SLK: variants seen among roughly 807,000 people sequenced by gnomAD.
SLK encodes the protein STE20 like kinase.
A neutral mutation model predicts 147.7 loss-of-function variants in SLK; 67 were observed. The observed-to-expected ratio is 0.45, with a 90% CI of 0.37 to 0.56. The LOEUF is 0.56. Among genes scored for constraint, SLK ranks in the 20% least tolerant of loss-of-function variants. SLK has a pLI of 0.00. For missense variants in SLK, 1,136 were observed against 1,438.8 expected, an observed-to-expected ratio of 0.79 and a Z score of 3.41; for synonymous variants, 441 against 475.0, an observed-to-expected ratio of 0.93 and a Z score of 0.93.
At chr10:104,019,640 A>C in intron 15 of SLK, 94 bp from the exon 16 acceptor site, 1 of 968,474 alleles carries the variant, frequency 1.0e-6, no homozygotes, top group Non-Finnish European at 1.6e-6. Context: ...GGGTAATTAT[A>C]GGAAACAACA....
intron 15 of SLK, 199 bp downstream of exon 15, chr10:104,019,107 G>GA (rs985829505): frequency 2.1e-6 from 1 of 468,726 alleles, no homozygotes; most frequent in African/African-American, 2.0e-5. Context: ...AAATTATAAG[G>GA]AAAGTAACTA....
chr10:104,022,743 G>C (rs1411111616), intron 18 of SLK, among the ~76,000 whole-genome samples: 1 of 152,164 alleles, frequency 6.6e-6, no homozygotes, highest in Non-Finnish European at 1.5e-5. Context: ...AGGTAGCTGG[G>C]ATTACAGGCA....
intron 2 of SLK, among the ~76,000 whole-genome samples, chr10:103,991,470 T>C (rs1844092524): frequency 6.6e-6 from 1 of 152,124 alleles, no homozygotes; most frequent in African/African-American, 2.4e-5. Flanking sequence ...CTTCAGTCTT[T>C]CTTCCTGAAG....
chr10:104,002,265 G>C lies in SLK; in HGVS notation c.1087G>C (p.Val363Leu). 2 of 1,613,390 alleles carry C rather than the reference G, an allele frequency of 1.2e-6. No individual in the cohort carries two copies. ...ACAAAATGCTTGTATTTTGGAGTCT[G>C]TCTCAGAAAAAACAGAACGTAGTAA... is the stretch of plus-strand genomic sequence containing the variant. ...LSQNACILESVSEKTERSNSE... is the reference protein window; with the variant it reads ...LSQNACILESLSEKTERSNSE... Residue 363 changes from valine (V) to leucine (L), a missense_variant, in exon 9 of 19, where the codon GTC becomes CTC. Physicochemically the swap from Val to Leu is conservative, Grantham distance 32. Around this residue, in one of 6 missense-constraint regions of SLK, gnomAD observed 516 missense variants for 531.3 expected, o/e 0.97. Coordinates refer to ENST00000369755, the MANE Select transcript of SLK (RefSeq NM_014720.4).
At chr10:103,974,588 C>G (rs1223918306) in intron 1 of SLK, 10 of 62,224 alleles carry the variant, frequency 1.6e-4, no homozygotes, top group African/African-American at 2.4e-4. Context: ...GCACTCCCGC[C>G]TGGGCCACAG....
chr10:104,002,191 G>C lies in SLK; in HGVS notation c.1013G>C (p.Arg338Pro), dbSNP rs201543977. 1.3e-6 allele frequency: 2 copies of C among 1,583,590 alleles called. No homozygotes were observed. The highest frequency in any genetic ancestry group is 1.1e-5 in the South Asian group (1 of 88,300). Reference protein sequence around the residue: ...ENSLPIPASKRASSDLSIASS... With the variant: ...ENSLPIPASKPASSDLSIASS... ...TTTTAGCCAATACCTGCAAGTAAGC[G>C]TGCATCTTCTGACCTTAGTATCGCC... is the stretch of plus-strand genomic sequence containing the variant. Residue 338 changes from arginine (R) to proline (P), a missense_variant, in exon 9 of 19, where the codon CGT (arginine) becomes CCT (proline). By Grantham distance (103) the Arg-to-Pro change is moderately radical. Transcript: ENST00000369755.
At chr10:103,998,519 A>G (rs745505183) in intron 4 of SLK, among the ~76,000 whole-genome samples, 3 of 152,164 alleles carry the variant, frequency 2.0e-5, no homozygotes, top group Non-Finnish European at 2.9e-5. Flanking sequence ...TATAATTTCT[A>G]TTTTTCACAC....
chr10:103,983,295 T>C (rs1470073139), intron 1 of SLK, among the ~76,000 whole-genome samples: 3 of 152,190 alleles, frequency 2.0e-5, no homozygotes, highest in African/African-American at 7.2e-5. Context: ...GTATGAACAG[T>C]CTAAAAGTAT....
At chr10:104,024,962 A>G (rs1238655255) in intron 18 of SLK, among the ~76,000 whole-genome samples, 5 of 152,314 alleles carry the variant, frequency 3.3e-5, no homozygotes, top group African/African-American at 7.2e-5. Flanking sequence ...CCCACCTTCT[A>G]TGCATAGTAT....
chr10:103,984,341 G>A (rs553772123), intron 1 of SLK, among the ~76,000 whole-genome samples: 2 of 152,042 alleles, frequency 1.3e-5, no homozygotes, highest in East Asian at 1.9e-4. Flanking sequence ...ATATCACCTC[G>A]GTTAGACCTA....
chr10:103,983,625 A>G (rs1213969352), intron 1 of SLK, among the ~76,000 whole-genome samples: 2 of 151,262 alleles, frequency 1.3e-5, no homozygotes, highest in Admixed American at 6.6e-5. Flanking sequence ...TTTCCTGTGA[A>G]CTTCCTGTCT....
At chr10:103,989,487 G>T (rs1465361740) in intron 1 of SLK, among the ~76,000 whole-genome samples, 1 of 36,628 alleles carries the variant, frequency 2.7e-5, no homozygotes, top group Non-Finnish European at 4.6e-5. Flanking sequence ...TTTTTTTTTG[G>T]AGACAGAGTC....
At chr10:104,005,373 C>T (rs771565373) in intron 9 of SLK, among the ~76,000 whole-genome samples, 188 bp from the exon 10 acceptor site, 2 of 152,106 alleles carry the variant, frequency 1.3e-5, no homozygotes, top group Non-Finnish European at 2.9e-5. Context: ...AGTCAGATGA[C>T]GTTTAAGGTG....
chr10:103,995,645 G>A (rs1169076440), intron 4 of SLK, among the ~76,000 whole-genome samples: 1 of 151,612 alleles, frequency 6.6e-6, no homozygotes, highest in Non-Finnish European at 1.5e-5. Flanking sequence ...GGGCTGGTCT[G>A]GAACTCCTGG....
intron 8 of SLK, among the ~76,000 whole-genome samples, chr10:104,001,959 T>G (rs805655): frequency 0.23 from 34,488 of 152,038 alleles, 4,523 homozygotes; most frequent in African/African-American, 0.36. Flanking sequence ...CAAGTGATCT[T>G]CCCTCCTCGG....
Position 103,999,872 on chromosome 10 carries a change from C to A in SLK, c.788C>A (p.Ser263Ter). The A allele has an allele frequency of 7.0e-7, 1 of 1,432,400 alleles. No individual in the cohort carries two copies. 88.7% of individuals were successfully genotyped at this position (1,432,400 alleles called of 1,614,324 possible). A position where few individuals can be genotyped will look rare whatever the true frequency, so the allele number is the denominator to read the frequency against. Residue 263 changes from serine to a stop codon, truncating the protein, a stop_gained, in exon 7 of 19, where the codon TCA becomes TAA. Coordinates refer to ENST00000369755, the MANE Select transcript of SLK (RefSeq NM_014720.4). LOFTEE classifies it high-confidence loss of function. ...PTLAQPSRWS[S>*]NFKDFLKKCL... ...TGTTAAAATTTATTTTAAAGGTCTTCAAATTTTAAGGACTTTCTAAAGAAA... is the reference window on the plus strand; with the variant it reads ...TGTTAAAATTTATTTTAAAGGTCTTAAAATTTTAAGGACTTTCTAAAGAAA...
intron 17 of SLK, among the ~76,000 whole-genome samples, chr10:104,021,122 C>T: frequency 6.6e-6 from 1 of 152,190 alleles, no homozygotes; most frequent in African/African-American, 2.4e-5. Flanking sequence ...ATAGAATGTA[C>T]AGCCCATCTA....
rs1321039430 is a variant in SLK, at chr10:104,002,590, A to G, written c.1412A>G (p.Glu471Gly). The G allele has an allele frequency of 1.2e-6, 2 of 1,604,696 alleles. No homozygotes were observed. The highest frequency in any genetic ancestry group is 1.7e-6 in the Non-Finnish European group (2 of 1,174,870). ...TNIEHNLKSE[E>G]EKDQEKQQMF... The stretch of plus-strand genomic sequence containing the variant: ...ATTGAACATAATCTAAAATCTGAGG[A>G]AGAAAAGGATCAGGAAAAGCAACAG... The change falls in exon 9 of 19, where the codon GAA becomes GGA. Residue 471 changes from glutamate to glycine, a missense_variant. Glu to Gly is a moderately conservative substitution (Grantham distance 98, BLOSUM62 -2). Around this residue, in one of 6 missense-constraint regions of SLK, gnomAD observed 516 missense variants for 531.3 expected, o/e 0.97. Transcript: ENST00000369755.
At chr10:104,009,111 C>A (rs927053994) in intron 12 of SLK, among the ~76,000 whole-genome samples, 1 of 151,810 alleles carries the variant, frequency 6.6e-6, no homozygotes, top group Non-Finnish European at 1.5e-5. Context: ...CTTTTTTTGT[C>A]CCAAATTAAA....
Sources: gnomAD v4.1 joint callset for allele counts (sites outside exome capture counted in the v4.1 genomes callset) on GRCh38, gnomAD v4.1.1 for gene constraint, gnomAD v4.1.1 regional missense constraint, MANE v1.5 for transcripts, NCBI Gene and HGNC (gene_info 2026-07-23, HGNC 2026-07-21) for gene names.